The following CTDP1 variants were observed in gnomAD, a reference collection of about 807,000 sequenced individuals.
The protein encoded by CTDP1 is CTD phosphatase 1, also known as RNA polymerase II subunit A C-terminal domain phosphatase.
In CTDP1, 47 loss-of-function variants were observed where a neutral mutation model predicts 91.8. The ratio of observed to expected loss-of-function variants is 0.51; its 90% CI spans 0.41 to 0.65. CTDP1 has a LOEUF of 0.65. Ranked by LOEUF, CTDP1 falls within the 30% of genes least tolerant of loss-of-function variation. The pLI, the probability that CTDP1 is intolerant of heterozygous loss-of-function variation, is 0.00. For missense variants in CTDP1, 1,272 were observed against 1,373.7 expected (o/e 0.93, Z 1.17); for synonymous variants, 656 against 598.5 (o/e 1.10, Z -1.40).
chr18:79,718,952 C>A (rs920870323), intron 10 of CTDP1, among the ~76,000 whole-genome samples: 31 of 152,110 alleles, frequency 2.0e-4, no homozygotes, highest in Admixed American at 1.4e-3. Context: ...CCTTTTCGAG[C>A]CTTTGCAGGA....
rs754182939 is a variant in CTDP1 at position 79,695,991 on chromosome 18, A to G, written c.413A>G (p.Asn138Ser). The change falls in exon 3 of 13, where the codon AAC becomes AGC. Residue 138 changes from asparagine (N) to serine (S), a missense_variant. Asn to Ser is a conservative substitution (Grantham distance 46, BLOSUM62 1). Coordinates refer to ENST00000613122, the MANE Select transcript of CTDP1 (RefSeq NM_004715.5). ...TGCACTTGCAGGTTGCAGAGTAAGA[A>G]CGGGAAGCAGCAGGTGCCGCTGTCC... is the stretch of plus-strand genomic sequence containing the variant. ...GQDLTQLQSK[N>S]GKQQVPLSTA... 18 of 1,612,432 alleles carry G rather than the reference A, an allele frequency of 1.1e-5. No homozygotes were observed. The Admixed American group carries it at 1.3e-4, about 12-fold the overall frequency.
intron 10 of CTDP1, among the ~76,000 whole-genome samples, chr18:79,718,373 G>A (rs1169503460): frequency 6.6e-6 from 1 of 152,178 alleles, no homozygotes. Flanking sequence ...CTCCCCACTC[G>A]CCTCACCATC....
chr18:79,725,980 G>T (rs2086436956), intron 10 of CTDP1, among the ~76,000 whole-genome samples: 1 of 152,176 alleles, frequency 6.6e-6, no homozygotes, highest in Admixed American at 6.5e-5. Context: ...ATGACGAGGT[G>T]TCCTGGTGTA....
chr18:79,685,954 A>G (rs1037184365), intron 1 of CTDP1, among the ~76,000 whole-genome samples: 34 of 152,212 alleles, frequency 2.2e-4, no homozygotes, highest in Non-Finnish European at 3.7e-4. Flanking sequence ...TTTAAAAAAG[A>G]TATTTGTGCC....
In CTDP1 at chr18:79,697,846, C is replaced by T. The variant is rs780207390; in HGVS notation, c.493-14C>T. On this transcript the variant is annotated splice_polypyrimidine_tract_variant and intron_variant, in intron 3 of 12. Transcript: ENST00000613122. ...ATACTGACTTTGTCATTTCTTGTTT[C>T]TTTTTAATTGTAGCAAGCTGAACAG... 3.1e-6 allele frequency: 5 copies of T among 1,614,034 alleles called. No homozygotes were observed. The highest frequency in any genetic ancestry group is 3.4e-6 in the Non-Finnish European group (4 of 1,179,956).
At position 79,697,902 on chromosome 18, in the gene CTDP1, CGAAACCG is replaced by C. The variant is rs2085780404; in HGVS notation, c.539_545del (p.Asn180SerfsTer12). 6.2e-7 allele frequency: 1 copy of C among 1,614,074 alleles called. No homozygotes were observed. The highest frequency in any genetic ancestry group is 1.3e-5 in the African/African-American group (1 of 74,930). On this transcript the variant is annotated frameshift_variant, in exon 4 of 13. Transcript: ENST00000613122. LOFTEE classifies it high-confidence loss of function. The stretch of plus-strand genomic sequence containing the variant: ...AAGAGAAGACCAGCAGCGACTGCAC[CGAAACCG>C]GAAGCTGGTGCTCATGGTGGACTTG...
rs764909613 is a variant in CTDP1, at chr18:79,710,312, G to C, written c.773-34G>C. 3.3e-5 allele frequency: 51 copies of C among 1,547,056 alleles called. No individual in the cohort carries two copies. The South Asian group carries it at 5.5e-4, about 17-fold the overall frequency. On this transcript the variant is annotated intron_variant, in intron 5 of 12. Coordinates refer to ENST00000613122, the MANE Select transcript of CTDP1 (RefSeq NM_004715.5). ...TGCCGTGTGACCGAAACGTGTCTCA[G>C]GTATGTAATCTTTGTCCTGTTTTCT... is the stretch of plus-strand genomic sequence containing the variant.
intron 10 of CTDP1, among the ~76,000 whole-genome samples, chr18:79,719,394 G>A (rs1259625388): frequency 6.6e-6 from 1 of 152,056 alleles, no homozygotes; most frequent in Non-Finnish European, 1.5e-5. Context: ...GACGCTCTGG[G>A]ACCTAGGGGG....
intron 4 of CTDP1, among the ~76,000 whole-genome samples, chr18:79,701,756 C>G (rs994171985): frequency 6.6e-6 from 1 of 152,084 alleles, no homozygotes; most frequent in Non-Finnish European, 1.5e-5. Flanking sequence ...GGGAAGATGT[C>G]GATTCCAACC....
At chr18:79,745,145 C>G (rs918613591) in intron 12 of CTDP1, among the ~76,000 whole-genome samples, 2 of 152,194 alleles carry the variant, frequency 1.3e-5, no homozygotes, top group African/African-American at 4.8e-5. Context: ...GAGTTTCAGG[C>G]TTTTCCAAAG....
At chr18:79,722,816 G>A (rs1190712033) in intron 10 of CTDP1, among the ~76,000 whole-genome samples, 1 of 152,210 alleles carries the variant, frequency 6.6e-6, no homozygotes, top group African/African-American at 2.4e-5. Context: ...GAGGAAACGG[G>A]ACCAGCCGGC....
intron 4 of CTDP1, chr18:79,703,480 T>C (rs2085900673): frequency 6.6e-6 from 1 of 152,244 alleles, no homozygotes; most frequent in African/African-American, 2.4e-5. Flanking sequence ...CTACTAAATA[T>C]GACTTAGAAT....
chr18:79,696,365 G>A (rs2085746894), intron 3 of CTDP1, among the ~76,000 whole-genome samples: 1 of 152,242 alleles, frequency 6.6e-6, no homozygotes, highest in Non-Finnish European at 1.5e-5. Context: ...GCCAGGCTCA[G>A]CCTGGGTTCC....
At chr18:79,697,329 G>A (rs1267458850) in intron 3 of CTDP1, among the ~76,000 whole-genome samples, 1 of 148,720 alleles carries the variant, frequency 6.7e-6, no homozygotes, top group Non-Finnish European at 1.5e-5. Flanking sequence ...ATGCCGGGGT[G>A]ACCGGGCCCT....
chr18:79,716,589 G>A (rs1048685898), intron 8 of CTDP1, among the ~76,000 whole-genome samples: 5 of 151,942 alleles, frequency 3.3e-5, no homozygotes, highest in African/African-American at 9.7e-5. Flanking sequence ...GTCCTCCTTG[G>A]CCCCTCAGGT....
chr18:79,679,906 G>A lies in CTDP1; in HGVS notation c.-42G>A. On this transcript the variant is annotated 5_prime_UTR_variant, in exon 1 of 13. Transcript: ENST00000613122. Reference sequence around the variant, plus strand: ...CGGTAGGCGCTGCGCTCTGAGCGCAGCGCAGGCCCCGTACCGACCGCCCGC... The same window carrying A: ...CGGTAGGCGCTGCGCTCTGAGCGCAACGCAGGCCCCGTACCGACCGCCCGC... 7.4e-7 allele frequency: 1 copy of A among 1,355,690 alleles called. No homozygotes were observed. Among genetic ancestry groups the A allele is most frequent in the Non-Finnish European group, 9.5e-7 (1 of 1,051,972 alleles). The allele number at this position is 1,355,690 out of a possible 1,614,324, so 84.0% of individuals were successfully genotyped here. A position where few individuals can be genotyped will look rare whatever the true frequency, so the allele number is the denominator to read the frequency against.
intron 6 of CTDP1, 109 bp from the exon 7 acceptor site, chr18:79,712,863 T>C: frequency 8.4e-7 from 1 of 1,187,788 alleles, no homozygotes; most frequent in Non-Finnish European, 1.2e-6. Flanking sequence ...ATTAACCTGC[T>C]GTCTGCTGGT....
chr18:79,717,375 G>T (rs1399119106), intron 8 of CTDP1, among the ~76,000 whole-genome samples, 160 bp from the exon 9 acceptor site: 1 of 150,738 alleles, frequency 6.6e-6, no homozygotes, highest in African/African-American at 2.4e-5. Flanking sequence ...AGCCCTGCAG[G>T]GGTGCAGTCA....
At chr18:79,693,997 C>G (rs1328427251) in intron 1 of CTDP1, among the ~76,000 whole-genome samples, 2 of 152,240 alleles carry the variant, frequency 1.3e-5, no homozygotes, top group Non-Finnish European at 2.9e-5. Flanking sequence ...TTGTTTCCGC[C>G]TGTGGCCTGA....
Sources: gnomAD v4.1 joint callset for allele counts (sites outside exome capture counted in the v4.1 genomes callset) on GRCh38, gnomAD v4.1.1 for gene constraint, MANE v1.5 for transcripts, NCBI Gene and HGNC (gene_info 2026-07-23, HGNC 2026-07-21) for gene names.